PTPRM: variants seen among roughly 807,000 people sequenced by gnomAD.
PTPRM encodes the protein receptor-type tyrosine-protein phosphatase mu.
In PTPRM, 47 loss-of-function variants were observed where a neutral mutation model predicts 186.7. The ratio of observed to expected loss-of-function variants is 0.25; its 90% CI spans 0.20 to 0.32. The LOEUF is 0.32. Among genes scored for constraint, PTPRM ranks in the 10% least tolerant of loss-of-function variants. The pLI is 1.00. For missense variants in PTPRM, 1,494 were observed against 1,865.0 expected (o/e 0.80, Z 3.66); for synonymous variants, 668 against 674.9 (o/e 0.99, Z 0.16).
chr18:8,057,425 C>CTTTTTTTTTTTTTTTTTTTTTGTTTTTT (rs2088072606), intron 7 of PTPRM, among the ~76,000 whole-genome samples: 1 of 102,562 alleles, frequency 9.8e-6, no homozygotes, highest in African/African-American at 4.3e-5. Flanking sequence ...TGTGATACTT[C>CTTTTTTTTTTTTTTTTTTTTTGTTTTTT]TTTTTTTTTT....
intron 1 of PTPRM, among the ~76,000 whole-genome samples, chr18:7,637,750 C>A (rs937640343): frequency 6.6e-5 from 10 of 152,176 alleles, no homozygotes; most frequent in African/African-American, 2.4e-4. Context: ...AGTTCCACTG[C>A]AGTTTTGGAC....
chr18:8,345,651 A>G (rs1467031451), intron 23 of PTPRM, among the ~76,000 whole-genome samples: 1 of 151,246 alleles, frequency 6.6e-6, no homozygotes, highest in African/African-American at 2.4e-5. Flanking sequence ...AAAAATATAT[A>G]ACATTTTATA....
intron 1 of PTPRM, among the ~76,000 whole-genome samples, chr18:7,589,700 CATAAT>C (rs1158367956): frequency 1.5e-4 from 23 of 152,260 alleles, no homozygotes; most frequent in African/African-American, 5.5e-4. Context: ...GTAATTCTGA[CATAAT>C]ATAATGTAGA....
intron 13 of PTPRM, among the ~76,000 whole-genome samples, chr18:8,131,515 C>G (rs1373132467): frequency 6.6e-6 from 1 of 152,202 alleles, no homozygotes; most frequent in Non-Finnish European, 1.5e-5. Flanking sequence ...ACCCAGCACA[C>G]TGAATAGAAC....
intron 2 of PTPRM, among the ~76,000 whole-genome samples, chr18:7,839,368 G>A (rs1174104445): frequency 6.6e-6 from 1 of 151,762 alleles, no homozygotes; most frequent in Non-Finnish European, 1.5e-5. Context: ...CATCCCTGCT[G>A]GCTATTCAGA....
chr18:7,725,903 G>A (rs1191561148), intron 1 of PTPRM, among the ~76,000 whole-genome samples: 2 of 152,146 alleles, frequency 1.3e-5, no homozygotes, highest in Admixed American at 6.5e-5. Context: ...CACACTGACC[G>A]TCCACTGAGC....
In PTPRM at chr18:7,769,135, T is replaced by G. The variant is rs540814560; in HGVS notation, c.74-5014T>G. Among the ~76,000 whole-genome samples the G allele has an allele frequency of 3.3e-5, 5 of 152,230 alleles. No individual in the cohort carries two copies. The East Asian group carries it at 9.7e-4, about 29-fold the overall frequency. On this transcript the variant is annotated intron_variant, in intron 1 of 32. Transcript: ENST00000580170. ...TGTTCATTAACTTCCAACAATTGCT[T>G]CTTCCCAGGGTTCTGGGAAGGAAGA...
chr18:7,858,261 A>C (rs2047184768), intron 2 of PTPRM, among the ~76,000 whole-genome samples: 1 of 152,186 alleles, frequency 6.6e-6, no homozygotes, highest in Non-Finnish European at 1.5e-5. Flanking sequence ...TTGTTTATTA[A>C]AAAGTAAGTT....
intron 7 of PTPRM, among the ~76,000 whole-genome samples, chr18:8,065,768 C>G (rs1248301018): frequency 6.6e-6 from 1 of 152,190 alleles, no homozygotes; most frequent in East Asian, 1.9e-4. Flanking sequence ...TGTAAGAGAT[C>G]TATATTGTGC....
At chr18:8,138,920 C>T (rs75245558) in intron 13 of PTPRM, among the ~76,000 whole-genome samples, 3,295 of 152,182 alleles carry the variant, frequency 0.022, 122 homozygotes, top group African/African-American at 0.076. Flanking sequence ...TGTCTGTATT[C>T]GCCTGGACAT....
chr18:7,599,977 C>T (rs1033030452), intron 1 of PTPRM, among the ~76,000 whole-genome samples: 1 of 152,162 alleles, frequency 6.6e-6, no homozygotes, highest in African/African-American at 2.4e-5. Context: ...CCATTGCACC[C>T]TTCTCCTGTA....
chr18:8,268,338 C>T (rs911098800), intron 19 of PTPRM, among the ~76,000 whole-genome samples: 3 of 151,996 alleles, frequency 2.0e-5, no homozygotes, highest in African/African-American at 7.2e-5. Flanking sequence ...AATTGGATAA[C>T]CTAGAAGAAC....
chr18:8,378,950 G>A lies in PTPRM; in HGVS notation c.3613-217G>A, dbSNP rs531555846. Among the ~76,000 whole-genome samples, 13 of 152,124 alleles carry A rather than the reference G, an allele frequency of 8.5e-5. No individual in the cohort carries two copies. The East Asian group carries it at 1.2e-3, about 14-fold the overall frequency. ...TCTAGGGACCCACAGTGGCCCTTAC[G>A]CCTCTGCCTCTGGCCCCTGTGTCTG... On this transcript the variant is annotated intron_variant, in intron 27 of 32. Coordinates refer to ENST00000580170, the MANE Select transcript of PTPRM (RefSeq NM_001105244.2).
chr18:8,068,357 G>C (rs1050276858), intron 7 of PTPRM, among the ~76,000 whole-genome samples: 1 of 152,124 alleles, frequency 6.6e-6, no homozygotes, highest in Admixed American at 6.5e-5. Context: ...TTTAGGTTAG[G>C]CTTTTCCTAA....
chr18:8,260,467 C>A (rs1311368638), intron 19 of PTPRM, among the ~76,000 whole-genome samples: 2 of 152,148 alleles, frequency 1.3e-5, no homozygotes, highest in Non-Finnish European at 2.9e-5. Context: ...TGGAATTGCT[C>A]TGTAACAACC....
chr18:7,842,908 A>G (rs60446329), intron 2 of PTPRM, among the ~76,000 whole-genome samples: 4 of 100,640 alleles, frequency 4.0e-5, no homozygotes, highest in African/African-American at 1.7e-4. Context: ...TATGTTTCTC[A>G]TATGTGTGTG....
intron 7 of PTPRM, among the ~76,000 whole-genome samples, chr18:7,979,364 G>A (rs911192245): frequency 1.3e-5 from 2 of 152,134 alleles, no homozygotes; most frequent in African/African-American, 4.8e-5. Flanking sequence ...TACAATAGTT[G>A]GCAATTTGTA....
At chr18:8,357,879 A>G (rs114568003) in intron 23 of PTPRM, among the ~76,000 whole-genome samples, 2,218 of 130,882 alleles carry the variant, frequency 0.017, 63 homozygotes, top group African/African-American at 0.057. Flanking sequence ...TGAGACTAAA[A>G]GAAACACATA....
At position 8,253,340 on chromosome 18, in the gene PTPRM, C is replaced by T. The variant is rs756126322; in HGVS notation, c.2680C>T (p.Arg894Trp). The change falls in exon 19 of 33, where the codon CGG becomes TGG. Residue 894 changes from arginine to tryptophan, a missense_variant. This residue lies in a region of PTPRM where 1,107 missense variants were observed against 1,350.2 expected (regional missense o/e 0.82). Transcript: ENST00000580170. ...GACTGGGCAGCTCCACCCCGCCATC[C>T]GGGTGGCAGACCTCCTTCAGCACAT... ...YQTGQLHPAI[R>W]VADLLQHITQ... The T allele has an allele frequency of 2.9e-5, 46 of 1,597,688 alleles. No individual in the cohort carries two copies. Among genetic ancestry groups the T allele is most frequent in the Non-Finnish European group, 3.5e-5 (41 of 1,172,356 alleles).
Sources: allele counts gnomAD v4.1 joint callset (sites outside exome capture counted in the v4.1 genomes callset), GRCh38; gene constraint gnomAD v4.1.1; regional missense constraint gnomAD v4.1.1; transcripts MANE v1.5; gene names NCBI Gene and HGNC (gene_info 2026-07-23, HGNC 2026-07-21).